NLGN1: variants seen among roughly 807,000 people sequenced by gnomAD.
NLGN1 encodes the protein neuroligin-1.
In NLGN1, 12 loss-of-function variants were observed where a neutral mutation model predicts 65.5. The observed-to-expected ratio is 0.18, with a 90% CI of 0.12 to 0.30. The LOEUF (loss-of-function observed/expected upper bound fraction) is 0.30. NLGN1 is among the 10% of genes least tolerant of loss of function. The pLI is 1.00. For missense variants in NLGN1, 750 were observed against 1,007.1 expected (o/e 0.74, Z 3.46); for synonymous variants, 350 against 359.5 (o/e 0.97, Z 0.30).
intron 4 of NLGN1, among the ~76,000 whole-genome samples, chr3:173,905,081 C>A (rs972318781): frequency 6.6e-5 from 10 of 152,102 alleles, no homozygotes; most frequent in African/African-American, 2.4e-4. Context: ...TCTGGCTACC[C>A]GCCTGATGCA....
chr3:173,710,653 C>G (rs1768807547), intron 3 of NLGN1, among the ~76,000 whole-genome samples: 1 of 152,078 alleles, frequency 6.6e-6, no homozygotes, highest in Admixed American at 6.6e-5. Flanking sequence ...TTAATGAAAC[C>G]TTAATAATTA....
At position 174,280,680 on chromosome 3, in the gene NLGN1, A is replaced by G. The variant is rs751453989; in HGVS notation, c.1849A>G (p.Asn617Asp). The G allele has an allele frequency of 6.2e-7, 1 of 1,612,178 alleles. No homozygotes were observed. Among genetic ancestry groups the G allele is most frequent in the Admixed American group, 1.7e-5 (1 of 59,908 alleles). Residue 617 changes from asparagine (N) to aspartate (D), a missense_variant, in exon 7 of 7, where the codon AAT becomes GAT. Transcript: ENST00000457714. The surrounding 1 kb of genome is among the most constrained non-coding windows in gnomAD (Gnocchi z 4.9). Reference sequence around the variant, plus strand: ...GTTGGTACCTCATCTGCATAATCTCAATGACATTTCTCAGTATACCTCTAC... The same window carrying G: ...GTTGGTACCTCATCTGCATAATCTCGATGACATTTCTCAGTATACCTCTAC...
At chr3:174,093,481 A>C (rs569223548) in intron 4 of NLGN1, among the ~76,000 whole-genome samples, 1 of 152,328 alleles carries the variant, frequency 6.6e-6, no homozygotes, top group Non-Finnish European at 1.5e-5. Context: ...TCATCTCAGT[A>C]TATTTTAGAG....
At chr3:173,994,465 CAAAAAAA>C (rs1170577220) in intron 4 of NLGN1, among the ~76,000 whole-genome samples, 536 of 32,914 alleles carry the variant, frequency 0.016, 18 homozygotes, top group African/African-American at 0.058. Flanking sequence ...TTGAGAAAAG[CAAAAAAA>C]AAAAAAAAAA....
chr3:173,554,950 AGGGGATG>A, intron 2 of NLGN1, among the ~76,000 whole-genome samples: 1 of 152,170 alleles, frequency 6.6e-6, no homozygotes, highest in Non-Finnish European at 1.5e-5. Context: ...TAGCCCTTCT[AGGGGATG>A]AGAAATTGTA....
chr3:174,040,252 T>A (rs1226028322), intron 4 of NLGN1, among the ~76,000 whole-genome samples: 2 of 152,028 alleles, frequency 1.3e-5, no homozygotes, highest in African/African-American at 4.8e-5. Context: ...TAACTCTGTG[T>A]GTTACGTAAG....
intron 4 of NLGN1, among the ~76,000 whole-genome samples, chr3:173,879,011 T>C (rs759087187): frequency 1.6e-4 from 24 of 152,056 alleles, no homozygotes; most frequent in Non-Finnish European, 3.1e-4. Flanking sequence ...AGCATGTGGA[T>C]CACCTGAGGT....
chr3:173,999,719 C>A (rs555400136), intron 4 of NLGN1, among the ~76,000 whole-genome samples: 1 of 152,122 alleles, frequency 6.6e-6, no homozygotes, highest in African/African-American at 2.4e-5. Flanking sequence ...CACATTTTGC[C>A]CAAAGCTGGT....
At chr3:173,673,808 CACAA>C (rs1427378896) in intron 3 of NLGN1, among the ~76,000 whole-genome samples, 8 of 151,872 alleles carry the variant, frequency 5.3e-5, no homozygotes, top group South Asian at 2.1e-4. Flanking sequence ...GGACAAAACG[CACAA>C]ACAAAGCAAG....
intron 2 of NLGN1, among the ~76,000 whole-genome samples, chr3:173,438,062 A>G (rs1289550197): frequency 6.6e-6 from 1 of 152,116 alleles, no homozygotes; most frequent in African/African-American, 2.4e-5. Context: ...AAGGGAAGTG[A>G]GTCCTGAAGG....
At chr3:173,673,438 G>A (rs1316345146) in intron 3 of NLGN1, among the ~76,000 whole-genome samples, 2 of 152,058 alleles carry the variant, frequency 1.3e-5, no homozygotes, top group African/African-American at 4.8e-5. Context: ...TAAAAGGAGA[G>A]GCATTAAAAT....
At chr3:174,078,009 A>G (rs1398693140) in intron 4 of NLGN1, among the ~76,000 whole-genome samples, 1 of 152,212 alleles carries the variant, frequency 6.6e-6, no homozygotes, top group Admixed American at 6.5e-5. Context: ...GAACAAAACC[A>G]AACAGTGAAA....
At chr3:173,735,164 A>G (rs546282140) in intron 3 of NLGN1, among the ~76,000 whole-genome samples, 2 of 152,068 alleles carry the variant, frequency 1.3e-5, no homozygotes, top group African/African-American at 2.4e-5. Flanking sequence ...GTAACTATGT[A>G]TGGGCATAAG....
intron 4 of NLGN1, among the ~76,000 whole-genome samples, chr3:173,988,071 A>G (rs1475020914): frequency 1.3e-5 from 2 of 152,208 alleles, no homozygotes; most frequent in African/African-American, 4.8e-5. Context: ...AAGATTCTCA[A>G]TTACAGAATA....
chr3:173,421,158 T>C (rs996395164), intron 1 of NLGN1, among the ~76,000 whole-genome samples: 1 of 152,130 alleles, frequency 6.6e-6, no homozygotes, highest in Non-Finnish European at 1.5e-5. Flanking sequence ...AGGACTCTAG[T>C]CTATTTCTCA....
chr3:174,211,204 G>T (rs145783703), intron 4 of NLGN1, among the ~76,000 whole-genome samples: 23 of 152,282 alleles, frequency 1.5e-4, no homozygotes, highest in African/African-American at 5.1e-4. Context: ...CAAAGCTTCC[G>T]CAGTGTGGAA....
chr3:174,125,278 A>G (rs945150898), intron 4 of NLGN1, among the ~76,000 whole-genome samples: 2 of 152,140 alleles, frequency 1.3e-5, no homozygotes, highest in South Asian at 2.1e-4. Flanking sequence ...ATTTTAGCCT[A>G]TAGGCCATAT....
Position 174,145,511 on chromosome 3 carries a change from C to CA in NLGN1, c.647-129796dup, listed in dbSNP as rs540828802. 1.5e-3 allele frequency among the ~76,000 whole-genome samples: 225 copies of CA among 146,232 alleles called. 2 individuals carry two copies. The highest frequency in any genetic ancestry group is 0.013 in the Admixed American group (185 of 14,536). ...CTGGTGACAGAGTGAGACTTCATCT[C>CA]AAAAAAAAGAAAAAGAAAAAAAACA... On this transcript the variant is annotated intron_variant, in intron 4 of 6. Coordinates refer to ENST00000457714, the Ensembl canonical transcript of NLGN1.
intron 4 of NLGN1, among the ~76,000 whole-genome samples, chr3:173,862,673 T>C (rs1014983928): frequency 1.3e-5 from 2 of 152,118 alleles, no homozygotes; most frequent in African/African-American, 4.8e-5. Flanking sequence ...TGTGACTATT[T>C]AGACAGCATT....
Sources: gnomAD v4.1 joint callset for allele counts (sites outside exome capture counted in the v4.1 genomes callset) on GRCh38, gnomAD v4.1.1 for gene constraint, Gnocchi (gnomAD v3.1) non-coding constraint, MANE v1.5 for transcripts, NCBI Gene and HGNC (gene_info 2026-07-23, HGNC 2026-07-21) for gene names.